ZMYM3: variants seen among roughly 807,000 people sequenced by gnomAD.
ZMYM3 encodes the protein zinc finger MYM-type protein 3.
A neutral mutation model predicts 94.2 loss-of-function variants in ZMYM3; 6 were observed. The observed-to-expected ratio is 0.06, with a 90% CI of 0.03 to 0.13. The LOEUF is 0.13. Among genes scored for constraint, ZMYM3 ranks in the 10% least tolerant of loss-of-function variants. ZMYM3 has a pLI of 1.00. For synonymous variants in ZMYM3, 420 were observed against 426.5 expected, an observed-to-expected ratio of 0.98 and a Z score of 0.19; for missense variants, 664 against 1,132.6, an observed-to-expected ratio of 0.59 and a Z score of 5.94.
chrX:71,248,757 G>C lies in ZMYM3; in HGVS notation c.1666C>G (p.Pro556Ala). The C allele has an allele frequency of 1.7e-6, 2 of 1,208,803 alleles. No homozygotes were observed. The highest frequency in any genetic ancestry group is 1.1e-6 in the Non-Finnish European group (1 of 894,152). ...CSFCRRSLSD[P>A]CYYNKVDRTV... ...CGGTCAACCTTGTTGTAGTAACAGG[G>C]GTCAGAGAGGCTGCGGCGGCAGAAG... The change falls in exon 9 of 25, where the codon CCC becomes GCC. Residue 556 changes from proline to alanine, a missense_variant. Around this residue, in one of 9 missense-constraint regions of ZMYM3, gnomAD observed 159 missense variants for 313.0 expected, o/e 0.51. Coordinates refer to ENST00000314425, the MANE Select transcript of ZMYM3 (RefSeq NM_201599.3).
chrX:71,245,022 A>G lies in ZMYM3; in HGVS notation c.3008-129T>C, dbSNP rs2030101028. Reference sequence around the variant, plus strand: ...AAGGAACCAGTAAAGCTATACCAAAAAGCATGCTCAGAGGCACAGAAACGC... The same window carrying G: ...AAGGAACCAGTAAAGCTATACCAAAGAGCATGCTCAGAGGCACAGAAACGC... On this transcript the variant is annotated intron_variant, in intron 18 of 24. Transcript: ENST00000314425. The G allele has an allele frequency of 7.2e-6, 4 of 555,978 alleles. No individual in the cohort carries two copies. In the South Asian group the frequency reaches 1.4e-4, roughly 19 times the overall value. The allele number at this position is 555,978 out of a possible 1,213,427, so 45.8% of individuals were successfully genotyped here.
rs995675753 is a variant in ZMYM3 at position 71,243,220 on chromosome X, C to T, written c.3433-136G>A. The T allele has an allele frequency of 1.2e-5, 6 of 513,630 alleles. No individual in the cohort carries two copies. The Admixed American group carries it at 1.4e-4, about 12-fold the overall frequency. 42.3% of individuals were successfully genotyped at this position (513,630 alleles called of 1,213,427 possible). ...AAACAGTTGCTTGATTAGGTGGCCT[C>T]GAGTGCTTTCCCCCAGGTATACCCA... is the stretch of plus-strand genomic sequence containing the variant. On this transcript the variant is annotated intron_variant, in intron 21 of 24. Coordinates refer to ENST00000314425, the MANE Select transcript of ZMYM3 (RefSeq NM_201599.3).
chrX:71,252,794 G>A lies in ZMYM3; in HGVS notation c.462C>T (p.Ser154=), dbSNP rs367689880. The A allele has an allele frequency of 1.1e-5, 13 of 1,210,253 alleles. No homozygotes were observed. In the Admixed American group the frequency reaches 1.3e-4, roughly 12 times the overall value. ...TGGTCTCCTCCTCTTCAATATGTGGGGACTGCAGTGTTATTGGAGAATCTG... is the reference window on the plus strand; with the variant it reads ...TGGTCTCCTCCTCTTCAATATGTGGAGACTGCAGTGTTATTGGAGAATCTG... ...LAPDSPITLQ[S]PHIEEEETTS... is the part of the protein sequence containing the mutation. The change falls in exon 2 of 25, where the codon TCC becomes TCT. Residue 154 remains serine (S), a synonymous_variant. Transcript: ENST00000314425.
intron 5 of ZMYM3, 79 bp downstream of exon 5, chrX:71,250,353 T>C: frequency 1.8e-6 from 2 of 1,114,355 alleles, no homozygotes; most frequent in Non-Finnish European, 2.4e-6. Context: ...CCTGCTAGGT[T>C]CTTACCAACA....
chrX:71,245,305 C>G (rs775305071), intron 18 of ZMYM3, 34 bp downstream of exon 18: 1 of 1,204,611 alleles, frequency 8.3e-7, no homozygotes, highest in Admixed American at 2.2e-5. Context: ...CAAATGCTAC[C>G]ATACTCAGTG....
chrX:71,251,823 T>C (rs2030493678), intron 2 of ZMYM3: 2 of 748,144 alleles, frequency 2.7e-6, no homozygotes, highest in Non-Finnish European at 3.1e-6. Flanking sequence ...AAAAAATCTA[T>C]CCTTCCCACC....
chrX:71,242,869 C>T (rs1191714121), intron 22 of ZMYM3, 101 bp downstream of exon 22: 3 of 804,604 alleles, frequency 3.7e-6, no homozygotes, highest in Non-Finnish European at 5.5e-6. Context: ...GCCCTCGGGC[C>T]CTTTGTGAAG....
intron 21 of ZMYM3, 108 bp from the exon 22 acceptor site, chrX:71,243,192 G>A: frequency 1.5e-6 from 1 of 646,814 alleles, no homozygotes; most frequent in Non-Finnish European, 2.4e-6. Context: ...AGGAGACGAT[G>A]GGAAACAGTT....
At chrX:71,252,516 C>G in intron 2 of ZMYM3, 73 bp downstream of exon 2, 1 of 1,061,384 alleles carries the variant, frequency 9.4e-7, no homozygotes, top group Non-Finnish European at 1.2e-6. Context: ...CACTACTTCC[C>G]AAAGCACATA....
Position 71,242,240 on chromosome X carries a change from G to A in ZMYM3, c.3732C>T (p.Thr1244=), listed in dbSNP as rs751930715. 1 of 1,207,772 alleles carries A rather than the reference G, an allele frequency of 8.3e-7. No homozygotes were observed. The highest frequency in any genetic ancestry group is 2.2e-5 in the Admixed American group (1 of 45,572). Residue 1244 remains threonine, a synonymous_variant, in exon 23 of 25, where the codon ACC becomes ACT. Transcript: ENST00000314425. ...TNVVRQSRKC[T]TPRGTTKVVS... ...CCACCTTGGTGGTGCCCCGAGGGGT[G>A]GTACACTTGCGGGACTGCCGCACCA...
chrX:71,251,472 GAAC>G, intron 3 of ZMYM3, 83 bp downstream of exon 3: 4 of 1,103,841 alleles, frequency 3.6e-6, no homozygotes, highest in South Asian at 2.1e-5. Context: ...ACTCTCTACA[GAAC>G]AACATCTGGG....
rs757506048 is a variant in ZMYM3 at position 71,253,112 on chromosome X, A to AG, written c.143dup (p.Gly49TrpfsTer13). Reference sequence around the variant, plus strand: ...GGGCTCCCGAGGATGGAGAAGGGCCAGGGGGGGCCCATCCTCGAGTTGGGG... The same window carrying AG: ...GGGCTCCCGAGGATGGAGAAGGGCCAGGGGGGGGCCCATCCTCGAGTTGGGG... On this transcript the variant is annotated frameshift_variant, in exon 2 of 25. Transcript: ENST00000314425. LOFTEE classifies it high-confidence loss of function. 2.5e-6 allele frequency: 3 copies of AG among 1,203,978 alleles called. No individual in the cohort carries two copies.
At chrX:71,242,046 A>C in intron 23 of ZMYM3, 124 bp downstream of exon 23, 1 of 942,158 alleles carries the variant, frequency 1.1e-6, no homozygotes, top group Non-Finnish European at 1.4e-6. Context: ...TGCACACAGG[A>C]ACAGGAGAGG....
intron 1 of ZMYM3, among the ~76,000 whole-genome samples, chrX:71,253,531 AC>A (rs1387557457): frequency 9.7e-5 from 2 of 20,612 alleles, no homozygotes; most frequent in Non-Finnish European, 1.8e-4. Context: ...CTACCCGCCC[AC>A]CCCCCTACTC....
intron 2 of ZMYM3, among the ~76,000 whole-genome samples, chrX:71,252,382 C>G (rs2030523376): frequency 9.4e-6 from 1 of 106,077 alleles, no homozygotes; most frequent in African/African-American, 3.5e-5. Flanking sequence ...ATTCCTCCCC[C>G]ACAGCCTGTG....
rs1193670431 is a variant in ZMYM3, at chrX:71,250,854, CAT to C, written c.779-130_779-129del. On this transcript the variant is annotated intron_variant, in intron 4 of 24. Coordinates refer to ENST00000314425, the MANE Select transcript of ZMYM3 (RefSeq NM_201599.3). ...GGCCTTTACACCCTGGCCCTTGTTA[CAT>C]CAGTATCTTAAGACCTTGGTGTCTC... The C allele has an allele frequency of 1.9e-5, 13 of 678,486 alleles. No individual in the cohort carries two copies. In the African/African-American group the frequency reaches 2.9e-4, roughly 15 times the overall value. The allele number at this position is 678,486 out of a possible 1,213,427, so 55.9% of individuals were successfully genotyped here.
rs752610179 is a variant in ZMYM3 at position 71,253,233 on chromosome X, C to G, written c.23G>C (p.Ser8Thr). 1.4e-5 allele frequency: 16 copies of G among 1,166,867 alleles called. No individual in the cohort carries two copies. Among genetic ancestry groups the G allele is most frequent in the Non-Finnish European group, 1.8e-5 (16 of 873,332 alleles). The part of the protein sequence containing the change: MDPSDFP[S>T]PFDPLTLPEK... Reference sequence around the variant, plus strand: ...TGGCAGGGTCAATGGGTCAAATGGACTGGGGAAATCACTGGGGTCCATGAG... The same window carrying G: ...TGGCAGGGTCAATGGGTCAAATGGAGTGGGGAAATCACTGGGGTCCATGAG... The change falls in exon 2 of 25, where the codon AGT becomes ACT. Residue 8 changes from serine (S) to threonine (T), a missense_variant. Coordinates refer to ENST00000314425, the MANE Select transcript of ZMYM3 (RefSeq NM_201599.3).
At position 71,243,074 on chromosome X, in the gene ZMYM3, T is replaced by C; in HGVS notation, c.3443A>G (p.Glu1148Gly). 8.3e-7 allele frequency: 1 copy of C among 1,209,235 alleles called. No homozygotes were observed. The highest frequency in any genetic ancestry group is 1.1e-6 in the Non-Finnish European group (1 of 893,209). Residue 1148 changes from glutamate to glycine, a missense_variant, in exon 22 of 25, where the codon GAA (glutamate) becomes GGA (glycine). Physicochemically the swap from Glu to Gly is moderately conservative, Grantham distance 98. Transcript: ENST00000314425. ...GAAAATGTTCACCATCCGGTTATTTTCCAGCAAGTACTGGGGAAAGAAAAA... is the reference window on the plus strand; with the variant it reads ...GAAAATGTTCACCATCCGGTTATTTCCCAGCAAGTACTGGGGAAAGAAAAA... ...LCLGIQQYLL[E>G]NNRMVNIFTD... is the part of the protein sequence containing the mutation.
intron 18 of ZMYM3, 93 bp from the exon 19 acceptor site, chrX:71,244,986 T>A: frequency 1.3e-6 from 1 of 741,849 alleles, no homozygotes; most frequent in Non-Finnish European, 2.0e-6. Context: ...CACTTGACAC[T>A]AGATGAGCCA....
Sources: gnomAD v4.1 joint callset for allele counts (sites outside exome capture counted in the v4.1 genomes callset) on GRCh38, gnomAD v4.1.1 for gene constraint, gnomAD v4.1.1 regional missense constraint, MANE v1.5 for transcripts, NCBI Gene and HGNC (gene_info 2026-07-23, HGNC 2026-07-21) for gene names.